The following ARHGAP24 variants were observed in gnomAD, a reference collection of about 807,000 sequenced individuals.
ARHGAP24 encodes rho GTPase-activating protein 24.
ARHGAP24 carries 50 observed loss-of-function variants against 76.4 expected under a neutral mutation model. The ratio of observed to expected loss-of-function variants is 0.65; its 90% CI spans 0.52 to 0.83. The LOEUF is 0.83. Among genes scored for constraint, ARHGAP24 ranks in the 40% least tolerant of loss-of-function variants. The pLI, the probability that ARHGAP24 is intolerant of heterozygous loss-of-function variation, is 0.00. For missense variants in ARHGAP24, 930 were observed against 914.2 expected (o/e 1.02, Z -0.22); for synonymous variants, 345 against 323.3 (o/e 1.07, Z -0.72).
chr4:85,579,725 G>C (rs1280791432), intron 2 of ARHGAP24, among the ~76,000 whole-genome samples: 1 of 151,840 alleles, frequency 6.6e-6, no homozygotes, highest in Non-Finnish European at 1.5e-5. Flanking sequence ...CTGAAATTTG[G>C]CTTTTTTCTT....
At position 85,647,347 on chromosome 4, in the gene ARHGAP24, C is replaced by T. The variant is rs142082304; in HGVS notation, c.181-74538C>T. Among the ~76,000 whole-genome samples, 565 of 152,142 alleles carry T rather than the reference C, an allele frequency of 3.7e-3. 4 individuals are homozygous for T. The highest frequency in any genetic ancestry group is 0.013 in the African/African-American group (529 of 41,528). On this transcript the variant is annotated intron_variant, in intron 2 of 9. Transcript: ENST00000395184. Reference sequence around the variant, plus strand: ...ATCATAGCAAAATGGGAAAAATTATCTAACATTCCTCTGCCTTTCCTTTTG... The same window carrying T: ...ATCATAGCAAAATGGGAAAAATTATTTAACATTCCTCTGCCTTTCCTTTTG...
chr4:85,965,021 G>A (rs1338596856), intron 5 of ARHGAP24, among the ~76,000 whole-genome samples: 5 of 152,068 alleles, frequency 3.3e-5, no homozygotes, highest in Non-Finnish European at 7.4e-5. Flanking sequence ...AATTCTAGAG[G>A]GAGGAAAGAA....
intron 1 of ARHGAP24, among the ~76,000 whole-genome samples, chr4:85,553,589 T>C (rs1276977226): frequency 6.6e-6 from 1 of 152,100 alleles, no homozygotes; most frequent in Non-Finnish European, 1.5e-5. Context: ...GATTGGTGCA[T>C]TTACAAACCT....
intron 3 of ARHGAP24, among the ~76,000 whole-genome samples, chr4:85,910,087 A>G (rs1185830889): frequency 2.0e-5 from 3 of 152,236 alleles, no homozygotes; most frequent in East Asian, 3.9e-4. Context: ...CTGCAGCTCC[A>G]GGTGCCGGCA....
chr4:85,705,332 A>G (rs1276943515), intron 2 of ARHGAP24, among the ~76,000 whole-genome samples: 1 of 152,192 alleles, frequency 6.6e-6, no homozygotes, highest in African/African-American at 2.4e-5. Flanking sequence ...TCTAACAAGA[A>G]AATTTAACAA....
intron 3 of ARHGAP24, among the ~76,000 whole-genome samples, chr4:85,749,067 A>G (rs1726156320): frequency 6.6e-6 from 1 of 152,214 alleles, no homozygotes. Flanking sequence ...TTCTGGGAAC[A>G]GGACTCCAGC....
At chr4:85,717,079 A>T (rs1331338799) in intron 2 of ARHGAP24, among the ~76,000 whole-genome samples, 1 of 152,064 alleles carries the variant, frequency 6.6e-6, no homozygotes, top group African/African-American at 2.4e-5. Context: ...CAAACAGAGA[A>T]TATCTATCGT....
intron 6 of ARHGAP24, among the ~76,000 whole-genome samples, chr4:85,974,286 A>G (rs1739198551): frequency 6.6e-6 from 1 of 152,206 alleles, no homozygotes; most frequent in Admixed American, 6.5e-5. Flanking sequence ...TAACGCCTCA[A>G]ATATTTACTA....
intron 1 of ARHGAP24, among the ~76,000 whole-genome samples, chr4:85,481,103 A>G (rs1264119137): frequency 1.3e-5 from 2 of 152,202 alleles, no homozygotes; most frequent in African/African-American, 2.4e-5. Flanking sequence ...TACTTCTTCT[A>G]CGTACCAAGT....
intron 2 of ARHGAP24, among the ~76,000 whole-genome samples, chr4:85,609,213 A>G (rs769450103): frequency 3.9e-5 from 6 of 152,206 alleles, no homozygotes; most frequent in Admixed American, 1.3e-4. Context: ...TGTAAACTGA[A>G]CAATAGAAAT....
At chr4:85,925,880 C>T (rs1003765174) in intron 4 of ARHGAP24, among the ~76,000 whole-genome samples, 9 of 152,008 alleles carry the variant, frequency 5.9e-5, no homozygotes, top group Admixed American at 4.6e-4. Context: ...TCAAAGCTCC[C>T]ATTGTCTCTA....
intron 3 of ARHGAP24, among the ~76,000 whole-genome samples, chr4:85,889,183 A>G (rs969286436): frequency 6.6e-6 from 1 of 152,208 alleles, no homozygotes; most frequent in Admixed American, 6.5e-5. Flanking sequence ...AGAAAATGCC[A>G]GATTTTAAAT....
intron 2 of ARHGAP24, among the ~76,000 whole-genome samples, chr4:85,623,897 T>C (rs1187249111): frequency 7.1e-6 from 1 of 141,728 alleles, no homozygotes; most frequent in Non-Finnish European, 1.5e-5. Flanking sequence ...CTGTCTGTTA[T>C]TGGTGTATAA....
At chr4:85,986,889 T>C (rs1740038670) in intron 8 of ARHGAP24, among the ~76,000 whole-genome samples, 1 of 152,124 alleles carries the variant, frequency 6.6e-6, no homozygotes, top group South Asian at 2.1e-4. Context: ...ATTTAAATTA[T>C]GGATTAGTCC....
At position 85,723,125 on chromosome 4, in the gene ARHGAP24, C is replaced by A. The variant is rs72974976; in HGVS notation, c.268+1153C>A. Among the ~76,000 whole-genome samples the A allele has an allele frequency of 7.2e-3, 1,095 of 151,586 alleles. 17 individuals carry two copies. Among genetic ancestry groups the A allele is most frequent in the African/African-American group, 0.024 (992 of 41,418 alleles). ...TTTATTCTTACTTCTTAGTGGAATA[C>A]CCTGTATAGAACCAGATTCCAGATG... On this transcript the variant is annotated intron_variant, in intron 3 of 9. Coordinates refer to ENST00000395184, the MANE Select transcript of ARHGAP24 (RefSeq NM_001025616.3).
intron 2 of ARHGAP24, among the ~76,000 whole-genome samples, chr4:85,681,123 C>A (rs568279968): frequency 7.1e-4 from 108 of 152,260 alleles, no homozygotes; most frequent in African/African-American, 2.4e-3. Flanking sequence ...AGACTTGAAA[C>A]TAAAATGGTG....
rs142299454 is a variant in ARHGAP24, at chr4:85,968,177, C to T, written c.600-3859C>T. Among the ~76,000 whole-genome samples the T allele has an allele frequency of 2.2e-3, 331 of 152,158 alleles. 2 individuals carry two copies. The highest frequency in any genetic ancestry group is 7.1e-3 in the African/African-American group (295 of 41,514). On this transcript the variant is annotated intron_variant, in intron 5 of 9. Coordinates refer to ENST00000395184, the MANE Select transcript of ARHGAP24 (RefSeq NM_001025616.3). ...CAAAGAGCATGACTCTACAGCATCTCGTATCTCAGTGATTAGCCAAAAAGA... is the reference window on the plus strand; with the variant it reads ...CAAAGAGCATGACTCTACAGCATCTTGTATCTCAGTGATTAGCCAAAAAGA...
In ARHGAP24 at chr4:85,837,889, C is replaced by G. The variant is rs866930037; in HGVS notation, c.269-85759C>G. On this transcript the variant is annotated intron_variant, in intron 3 of 9. Coordinates refer to ENST00000395184, the MANE Select transcript of ARHGAP24 (RefSeq NM_001025616.3). Reference sequence around the variant, plus strand: ...TCTCTCGAGTCCTATAGTTTAGATTCCTCGATCGGTATTGTATTTCTGCTC... The same window carrying G: ...TCTCTCGAGTCCTATAGTTTAGATTGCTCGATCGGTATTGTATTTCTGCTC... Among the ~76,000 whole-genome samples the G allele has an allele frequency of 3.9e-5, 6 of 152,260 alleles. No homozygotes were observed. The South Asian group carries it at 1.2e-3, about 32-fold the overall frequency.
chr4:85,936,174 C>A (rs1293267812), intron 4 of ARHGAP24, among the ~76,000 whole-genome samples: 1 of 152,110 alleles, frequency 6.6e-6, no homozygotes, highest in African/African-American at 2.4e-5. Flanking sequence ...TAAGTCAAGG[C>A]AAATTCCCAC....
Sources: allele counts gnomAD v4.1 joint callset (sites outside exome capture counted in the v4.1 genomes callset), GRCh38; gene constraint gnomAD v4.1.1; transcripts MANE v1.5; gene names NCBI Gene and HGNC (gene_info 2026-07-23, HGNC 2026-07-21).